AFG2A: variants seen among roughly 807,000 people sequenced by gnomAD.
AFG2A encodes the protein ATPase family gene 2 protein homolog A.
the AFG2A span, among the ~76,000 whole-genome samples, chr4:123,210,488 G>C: frequency 6.6e-6 from 1 of 152,102 alleles, no homozygotes; most frequent in African/African-American, 2.4e-5. Context: ...ATGTCCTCCA[G>C]GGTCATCCAT....
chr4:123,292,131 A>G, the AFG2A span, among the ~76,000 whole-genome samples: 1 of 152,128 alleles, frequency 6.6e-6, no homozygotes, highest in East Asian at 1.9e-4. Context: ...AAGCTCTGAC[A>G]TCCTTTCTTC....
At chr4:123,046,965 A>AAT in the AFG2A span, among the ~76,000 whole-genome samples, 3 of 152,158 alleles carry the variant, frequency 2.0e-5, no homozygotes, top group Non-Finnish European at 2.9e-5. Context: ...TGCAGATGAC[A>AAT]GGATCTCATT....
chr4:123,119,204 A>G, the AFG2A span, among the ~76,000 whole-genome samples: 1 of 152,100 alleles, frequency 6.6e-6, no homozygotes, highest in Admixed American at 6.5e-5. Context: ...AGAATTTTGG[A>G]ATCAGTATTT....
At chr4:123,007,423 T>C in the AFG2A span, among the ~76,000 whole-genome samples, 6 of 151,566 alleles carry the variant, frequency 4.0e-5, no homozygotes, top group East Asian at 2.0e-4. Flanking sequence ...GCAGCCACTT[T>C]TCCGTCACAC....
chr4:122,958,949 G>A, the AFG2A span, among the ~76,000 whole-genome samples: 12 of 152,252 alleles, frequency 7.9e-5, 1 homozygote, highest in East Asian at 2.1e-3. Flanking sequence ...CATTTGATTC[G>A]CTGATTTAGG....
chr4:123,107,954 G>C, the AFG2A span, among the ~76,000 whole-genome samples: 1 of 152,330 alleles, frequency 6.6e-6, no homozygotes, highest in East Asian at 1.9e-4. Context: ...GCCTGCAGGG[G>C]CAGGAGGGCT....
At chr4:123,193,705 T>A in the AFG2A span, among the ~76,000 whole-genome samples, 1 of 152,240 alleles carries the variant, frequency 6.6e-6, no homozygotes, top group Non-Finnish European at 1.5e-5. Context: ...GTATTTTTTG[T>A]TTCTTAATCA....
chr4:123,254,830 A>G, the AFG2A span, among the ~76,000 whole-genome samples: 1 of 152,226 alleles, frequency 6.6e-6, no homozygotes, highest in African/African-American at 2.4e-5. Context: ...ATTAGCCTCT[A>G]GTAAAATATT....
the AFG2A span, among the ~76,000 whole-genome samples, chr4:123,016,777 G>A: frequency 6.6e-6 from 1 of 152,158 alleles, no homozygotes. Flanking sequence ...AGGCGGCTGG[G>A]AGGTGGAGGT....
At chr4:123,165,538 G>A in the AFG2A span, among the ~76,000 whole-genome samples, 1 of 151,920 alleles carries the variant, frequency 6.6e-6, no homozygotes, top group Non-Finnish European at 1.5e-5. Flanking sequence ...CTCTTTAGTT[G>A]TATGGCTATC....
chr4:123,159,749 G>C, the AFG2A span, among the ~76,000 whole-genome samples: 6 of 152,208 alleles, frequency 3.9e-5, no homozygotes, highest in African/African-American at 1.4e-4. Context: ...TAAGCCAATT[G>C]TCCTGAGTCT....
the AFG2A span, among the ~76,000 whole-genome samples, chr4:123,142,437 A>G: frequency 2.0e-5 from 3 of 152,168 alleles, no homozygotes; most frequent in Non-Finnish European, 4.4e-5. Flanking sequence ...AAATAAATAT[A>G]TTTAATTTAG....
At chr4:123,314,449 T>G in the AFG2A span, 1 of 153,670 alleles carries the variant, frequency 6.5e-6, no homozygotes, top group Non-Finnish European at 1.4e-5. Context: ...GTGGATAAAT[T>G]TTTTGTAATC....
the AFG2A span, among the ~76,000 whole-genome samples, chr4:123,142,483 A>T: frequency 6.6e-6 from 1 of 152,168 alleles, no homozygotes; most frequent in South Asian, 2.1e-4. Context: ...GATAAAGCAG[A>T]TATAATTTTG....
chr4:123,112,515 A>T, the AFG2A span, among the ~76,000 whole-genome samples: 2 of 152,214 alleles, frequency 1.3e-5, no homozygotes, highest in Non-Finnish European at 2.9e-5. Flanking sequence ...TTTTTAACAT[A>T]TCACATTTGA....
At chr4:123,042,671 A>G in the AFG2A span, among the ~76,000 whole-genome samples, 1 of 151,956 alleles carries the variant, frequency 6.6e-6, no homozygotes, top group African/African-American at 2.4e-5. Flanking sequence ...TTGATATTGT[A>G]TATTATCTCC....
At chr4:123,169,878 G>T in the AFG2A span, among the ~76,000 whole-genome samples, 1 of 152,182 alleles carries the variant, frequency 6.6e-6, no homozygotes, top group African/African-American at 2.4e-5. Flanking sequence ...ACGTAACAGA[G>T]AGTATGGTTG....
At chr4:123,067,181 T>G in the AFG2A span, among the ~76,000 whole-genome samples, 3 of 152,212 alleles carry the variant, frequency 2.0e-5, no homozygotes, top group East Asian at 3.9e-4. Context: ...CCTTCTTTTT[T>G]GGGGTTTCTT....
the AFG2A span, among the ~76,000 whole-genome samples, chr4:122,952,053 C>A: frequency 6.6e-6 from 1 of 152,180 alleles, no homozygotes; most frequent in African/African-American, 2.4e-5. Context: ...CTGGAAGATA[C>A]CCTTTAGCCA....
Sources: allele counts gnomAD v4.1 joint callset (sites outside exome capture counted in the v4.1 genomes callset), GRCh38; gene constraint gnomAD v4.1.1; transcripts MANE v1.5; gene names NCBI Gene and HGNC (gene_info 2026-07-23, HGNC 2026-07-21).